Variants in GNPDA1 observed in about 807,000 individuals in gnomAD.
GNPDA1 encodes glucosamine-6-phosphate deaminase 1, also known as GNPDA 1.
GNPDA1 carries 24 observed loss-of-function variants against 28.5 expected under a neutral mutation model. That is an observed-to-expected ratio of 0.84 (90% CI 0.61 to 1.19). The LOEUF is 1.19. Among genes scored for constraint, GNPDA1 ranks in the 50% most tolerant of loss-of-function variants. GNPDA1 has a pLI of 0.00. For missense variants in GNPDA1, 264 were observed against 367.3 expected, an observed-to-expected ratio of 0.72 and a Z score of 2.30; for synonymous variants, 147 against 139.3, an observed-to-expected ratio of 1.06 and a Z score of -0.39.
intron 2 of GNPDA1, among the ~76,000 whole-genome samples, chr5:142,010,625 C>A (rs777029253): frequency 1.3e-5 from 2 of 151,490 alleles, no homozygotes; most frequent in Non-Finnish European, 2.9e-5. Context: ...TCACACCTCA[C>A]ACCGTAGCCT....
chr5:142,011,517 A>T (rs970975209), intron 2 of GNPDA1, among the ~76,000 whole-genome samples: 1 of 152,248 alleles, frequency 6.6e-6, no homozygotes, highest in Non-Finnish European at 1.5e-5. Flanking sequence ...TATCTTTTCA[A>T]TTCTCCCAAG....
At chr5:142,007,970 A>G (rs1755850022) in intron 2 of GNPDA1, 70 bp from the exon 3 acceptor site, 6 of 841,670 alleles carry the variant, frequency 7.1e-6, no homozygotes, top group Non-Finnish European at 1.2e-5. Context: ...GTTCACAGGA[A>G]TAAGTCAGGG....
At chr5:142,008,111 G>C (rs1755853785) in intron 2 of GNPDA1, among the ~76,000 whole-genome samples, 1 of 152,248 alleles carries the variant, frequency 6.6e-6, no homozygotes, top group East Asian at 1.9e-4. Flanking sequence ...GGGCAGGACT[G>C]TGTCTGCCTT....
At chr5:142,009,804 C>G (rs1181303004) in intron 2 of GNPDA1, among the ~76,000 whole-genome samples, 2 of 152,114 alleles carry the variant, frequency 1.3e-5, no homozygotes, top group African/African-American at 4.8e-5. Context: ...CACTCAGAAC[C>G]CTGACAGGTG....
At chr5:142,005,902 C>T in intron 4 of GNPDA1, 1 of 409,266 alleles carries the variant, frequency 2.4e-6, no homozygotes, top group Admixed American at 3.6e-5. Context: ...GGGGAGTAGA[C>T]AGAATCTCAG....
intron 2 of GNPDA1, among the ~76,000 whole-genome samples, chr5:142,009,112 G>A (rs916970999): frequency 6.6e-6 from 1 of 152,122 alleles, no homozygotes; most frequent in Non-Finnish European, 1.5e-5. Context: ...AAAAGCAAAT[G>A]TGGCAAAATG....
rs2232200 is a variant in GNPDA1, at chr5:142,004,841, A to G, written c.594+91T>C. 1.8e-3 allele frequency: 1,419 copies of G among 793,558 alleles called. 15 individuals are homozygous for G. The African/African-American group carries it at 0.022, about 12-fold the overall frequency. 49.2% of individuals were successfully genotyped at this position (793,558 alleles called of 1,614,324 possible). ...CCTTATTTACCATGCCTTCATCTTT[A>G]ATAAGAATGTAGGTGGTACCAGTAT... On this transcript the variant is annotated intron_variant, in intron 5 of 6. Transcript: ENST00000311337.
At position 142,008,604 on chromosome 5, in the gene GNPDA1, G is replaced by A. The variant is rs1286223602; in HGVS notation, c.125-704C>T. Among the ~76,000 whole-genome samples the A allele has an allele frequency of 2.0e-5, 3 of 152,168 alleles. No homozygotes were observed. In the East Asian group the frequency reaches 5.8e-4, roughly 29 times the overall value. On this transcript the variant is annotated intron_variant, in intron 2 of 6. Coordinates refer to ENST00000311337, the MANE Select transcript of GNPDA1 (RefSeq NM_005471.5). ...TAGCTGGGCATGGTGGCATGTGCCT[G>A]TAATCCCAGCTACTCGGGAGGCTGA...
At chr5:142,011,274 C>T (rs896806483) in intron 2 of GNPDA1, among the ~76,000 whole-genome samples, 2 of 87,134 alleles carry the variant, frequency 2.3e-5, no homozygotes, top group Non-Finnish European at 5.6e-5. Flanking sequence ...AGTTTGAAGA[C>T]CCCTCCAACA....
chr5:142,004,835 A>T (rs1755761068), intron 5 of GNPDA1, 97 bp downstream of exon 5: 3 of 760,028 alleles, frequency 3.9e-6, no homozygotes, highest in Non-Finnish European at 6.1e-6. Flanking sequence ...CCATGCCTTC[A>T]TCTTTAATAA....
At chr5:142,008,054 A>G (rs1429812843) in intron 2 of GNPDA1, among the ~76,000 whole-genome samples, 154 bp from the exon 3 acceptor site, 1 of 152,202 alleles carries the variant, frequency 6.6e-6, no homozygotes, top group African/African-American at 2.4e-5. Context: ...CCATCCATTA[A>G]TTGCTTGTTT....
intron 4 of GNPDA1, 132 bp downstream of exon 4, chr5:142,006,012 C>G (rs913588615): frequency 1.0e-5 from 7 of 696,066 alleles, no homozygotes; most frequent in African/African-American, 5.3e-5. Flanking sequence ...CAGGCAGGGC[C>G]CATTTCTCCC....
At chr5:142,004,025 G>A (rs1755741053) in intron 5 of GNPDA1, among the ~76,000 whole-genome samples, 1 of 152,180 alleles carries the variant, frequency 6.6e-6, no homozygotes, top group Non-Finnish European at 1.5e-5. Flanking sequence ...CAGAAGCAGA[G>A]AGGGAATGTG....
intron 3 of GNPDA1, among the ~76,000 whole-genome samples, chr5:142,007,475 A>T (rs552792006): frequency 6.6e-6 from 1 of 152,310 alleles, no homozygotes; most frequent in African/African-American, 2.4e-5. Flanking sequence ...ACTTGCAATC[A>T]TTTGTTCCAG....
At chr5:142,004,663 T>C (rs1401629440) in intron 5 of GNPDA1, among the ~76,000 whole-genome samples, 1 of 152,090 alleles carries the variant, frequency 6.6e-6, no homozygotes, top group Non-Finnish European at 1.5e-5. Flanking sequence ...GTGAAAAGCA[T>C]GAAAGGGGCC....
In GNPDA1 at chr5:142,002,147, CA is replaced by C; in HGVS notation, c.770-19del. ...CATTAAACCTACAAAAAATTAAAAA[CA>C]AAAAGTAGTTAATTCAGGCAGTGGC... On this transcript the variant is annotated intron_variant, in intron 6 of 6. Coordinates refer to ENST00000311337, the MANE Select transcript of GNPDA1 (RefSeq NM_005471.5). 1 of 1,332,970 alleles carries C rather than the reference CA, an allele frequency of 7.5e-7. No individual in the cohort carries two copies. Among genetic ancestry groups the C allele is most frequent in the Non-Finnish European group, 1.1e-6 (1 of 931,788 alleles). 82.6% of individuals were successfully genotyped at this position (1,332,970 alleles called of 1,614,324 possible).
chr5:142,010,232 C>T (rs1459651812), intron 2 of GNPDA1, among the ~76,000 whole-genome samples: 1 of 152,208 alleles, frequency 6.6e-6, no homozygotes, highest in Admixed American at 6.5e-5. Context: ...AATCTCAGCT[C>T]ACTGTAACCT....
intron 2 of GNPDA1, among the ~76,000 whole-genome samples, chr5:142,009,143 G>A (rs1755877944): frequency 6.6e-6 from 1 of 152,138 alleles, no homozygotes; most frequent in Non-Finnish European, 1.5e-5. Context: ...GTGAATTTAG[G>A]TGAATGGTAT....
Position 142,003,624 on chromosome 5 carries a change from T to C in GNPDA1, c.595-362A>G, listed in dbSNP as rs796769613. Among the ~76,000 whole-genome samples, 22 of 152,276 alleles carry C rather than the reference T, an allele frequency of 1.4e-4. No individual in the cohort carries two copies. The highest frequency in any genetic ancestry group is 5.3e-4 in the African/African-American group (22 of 41,554). ...TGCTATCCCATCAGCTGGGTGACTC[T>C]ACACAAGCACAGTTTGTGAAAGAGG... On this transcript the variant is annotated intron_variant, in intron 5 of 6. Transcript: ENST00000311337. The surrounding 1 kb of genome is among the most constrained non-coding windows in gnomAD (Gnocchi z 4.0).
Sources: gnomAD v4.1 joint callset for allele counts (sites outside exome capture counted in the v4.1 genomes callset) on GRCh38, gnomAD v4.1.1 for gene constraint, Gnocchi (gnomAD v3.1) non-coding constraint, MANE v1.5 for transcripts, NCBI Gene and HGNC (gene_info 2026-07-23, HGNC 2026-07-21) for gene names.